Variants in PRKACB observed in about 807,000 individuals in gnomAD.
The protein encoded by PRKACB is cAMP-dependent protein kinase catalytic subunit beta.
PRKACB carries 16 observed loss-of-function variants against 51.4 expected under a neutral mutation model. The ratio of observed to expected loss-of-function variants is 0.31; its 90% confidence interval spans 0.21 to 0.47. The LOEUF (loss-of-function observed/expected upper bound fraction) is 0.47, where lower values mean the gene tolerates loss of function less well. Ranked by LOEUF, PRKACB falls within the 20% of genes least tolerant of loss-of-function variation. The pLI is 1.00. For synonymous variants in PRKACB, 147 were observed against 154.4 expected (o/e 0.95, Z 0.35); for missense variants, 309 against 464.5 (o/e 0.67, Z 3.08).
chr1:84,110,197 G>T (rs1013127404), intron 1 of PRKACB, among the ~76,000 whole-genome samples: 1 of 151,446 alleles, frequency 6.6e-6, no homozygotes, highest in African/African-American at 2.4e-5. Flanking sequence ...CAACAAAACA[G>T]TAAAAGATAA....
intron 6 of PRKACB, 42 bp from the exon 7 acceptor site, chr1:84,197,687 G>A (rs560695977): frequency 7.7e-7 from 1 of 1,302,896 alleles, no homozygotes. Context: ...CATTTATTGT[G>A]AGGTAATACA....
intron 5 of PRKACB, among the ~76,000 whole-genome samples, chr1:84,190,434 A>G (rs530482708): frequency 6.7e-6 from 1 of 149,656 alleles, no homozygotes; most frequent in South Asian, 2.3e-4. Flanking sequence ...TCGTTATTTT[A>G]AGTTATTTTT....
chr1:84,103,722 G>T (rs1452200887), intron 1 of PRKACB, among the ~76,000 whole-genome samples: 1 of 152,160 alleles, frequency 6.6e-6, no homozygotes, highest in African/African-American at 2.4e-5. Context: ...TATGGTGATT[G>T]TTTGAAAACT....
chr1:84,129,270 T>C (rs1651933723), intron 1 of PRKACB, among the ~76,000 whole-genome samples: 1 of 152,132 alleles, frequency 6.6e-6, no homozygotes, highest in Non-Finnish European at 1.5e-5. Context: ...ATTACTATTA[T>C]AATTTTAGGT....
At position 84,235,460 on chromosome 1, in the gene PRKACB, C is replaced by A; in HGVS notation, c.*155C>A. On this transcript the variant is annotated 3_prime_UTR_variant, in exon 10 of 10. Transcript: ENST00000370685. ...ATTGCCATCATCCCGTGTGCGCACTCTGCATCCACCTATGTAACAAGGCAC... is the reference window on the plus strand; with the variant it reads ...ATTGCCATCATCCCGTGTGCGCACTATGCATCCACCTATGTAACAAGGCAC... The A allele has an allele frequency of 1.1e-6, 1 of 896,492 alleles. No individual in the cohort carries two copies. Among genetic ancestry groups the A allele is most frequent in the Non-Finnish European group, 1.7e-6 (1 of 595,252 alleles). The allele number at this position is 896,492 out of a possible 1,614,324, so 55.5% of individuals were successfully genotyped here.
rs1041446081 is a variant in PRKACB, at chr1:84,127,637, G to GT, written c.46+49274dup. Among the ~76,000 whole-genome samples the GT allele has an allele frequency of 1.6e-4, 24 of 151,844 alleles. No homozygotes were observed. The South Asian group carries it at 3.3e-3, about 21-fold the overall frequency. ...TGTGAGATAAATATGAATTTTGCGG[G>GT]TTTTTTTTCTTTTTCTTATATTTGA... On this transcript the variant is annotated intron_variant, in intron 1 of 8. Coordinates refer to the PRKACB transcript ENST00000370688.
upstream of PRKACB, chr1:84,144,182 T>A (rs1653720116): frequency 2.4e-6 from 3 of 1,244,144 alleles, no homozygotes; most frequent in Non-Finnish European, 3.1e-6. Context: ...AGTGTTTTGC[T>A]AAGAAAAGCT....
intron 9 of PRKACB, among the ~76,000 whole-genome samples, chr1:84,218,790 C>T (rs1056608281): frequency 1.3e-5 from 2 of 152,102 alleles, no homozygotes; most frequent in Non-Finnish European, 2.9e-5. Context: ...TCTCCACATC[C>T]CCTCCAGCAC....
chr1:84,082,123 G>T (rs1046517766), intron 1 of PRKACB, among the ~76,000 whole-genome samples: 3 of 152,164 alleles, frequency 2.0e-5, no homozygotes, highest in African/African-American at 7.2e-5. Flanking sequence ...TTATGGATGA[G>T]GAAATGAAGG....
At chr1:84,196,850 T>C in intron 6 of PRKACB, 108 bp downstream of exon 6, 1 of 1,213,226 alleles carries the variant, frequency 8.2e-7, no homozygotes, top group Non-Finnish European at 1.1e-6. Flanking sequence ...CACTTTCTCC[T>C]AATAGTTTAA....
chr1:84,160,190 G>T (rs1458630224), intron 1 of PRKACB, among the ~76,000 whole-genome samples: 3 of 151,918 alleles, frequency 2.0e-5, no homozygotes, highest in Non-Finnish European at 4.4e-5. Context: ...CTCGACTTGA[G>T]CTTTTCTTTG....
At chr1:84,128,730 G>A (rs1203912778) in intron 1 of PRKACB, among the ~76,000 whole-genome samples, 1 of 152,120 alleles carries the variant, frequency 6.6e-6, no homozygotes, top group Non-Finnish European at 1.5e-5. Flanking sequence ...AGCAGAAGAG[G>A]AAACCAAAGA....
intron 1 of PRKACB, among the ~76,000 whole-genome samples, chr1:84,169,403 G>C (rs1658637191): frequency 6.6e-6 from 1 of 151,620 alleles, no homozygotes; most frequent in Non-Finnish European, 1.5e-5. Context: ...ATAATGTTGT[G>C]ATAGGAAAAA....
rs1428722063 is a variant in PRKACB, at chr1:84,231,470, T to A, written c.1072-3710T>A. Among the ~76,000 whole-genome samples, 3 of 152,212 alleles carry A rather than the reference T, an allele frequency of 2.0e-5. No homozygotes were observed. The East Asian group carries it at 5.8e-4, about 29-fold the overall frequency. ...TAGGGAGGATTCCCTCTTTTTCTAT[T>A]GATTGGAATAGTTTCAGAAGGAATG... On this transcript the variant is annotated intron_variant, in intron 9 of 9. Transcript: ENST00000370685.
intron 1 of PRKACB, among the ~76,000 whole-genome samples, chr1:84,081,257 G>A (rs532418765): frequency 1.3e-5 from 2 of 152,262 alleles, no homozygotes; most frequent in African/African-American, 4.8e-5. Flanking sequence ...TCTGGTGCCT[G>A]TATTGTACTC....
chr1:84,196,492 T>C lies in PRKACB; in HGVS notation c.561-124T>C, dbSNP rs1668277312. ...AAAAGTAACAAGGTTCTTTACATAC[T>C]TTTTAAAAAAATACTTTTTGTTCCC... is the stretch of plus-strand genomic sequence containing the variant. On this transcript the variant is annotated intron_variant, in intron 5 of 9. Transcript: ENST00000370685. 4 of 970,332 alleles carry C rather than the reference T, an allele frequency of 4.1e-6. No individual in the cohort carries two copies. The East Asian group carries it at 1.1e-4, about 27-fold the overall frequency. 60.1% of individuals were successfully genotyped at this position (970,332 alleles called of 1,614,324 possible). A position where few individuals can be genotyped will look rare whatever the true frequency, so the allele number is the denominator to read the frequency against.
chr1:84,083,676 A>AT (rs1647726976), intron 1 of PRKACB, among the ~76,000 whole-genome samples: 1 of 152,212 alleles, frequency 6.6e-6, no homozygotes, highest in African/African-American at 2.4e-5. Context: ...TCTAGGTGAT[A>AT]AATGTTTGTA....
intron 8 of PRKACB, 100 bp from the exon 9 acceptor site, chr1:84,214,053 T>C: frequency 1.6e-6 from 2 of 1,250,698 alleles, no homozygotes; most frequent in South Asian, 1.8e-5. Context: ...TTTTTGTTTA[T>C]ATAATGGCTT....
rs1386771140 is a variant in PRKACB, at chr1:84,144,303, TTG to T, written c.-56_-55del. On this transcript the variant is annotated 5_prime_UTR_variant, in exon 1 of 10. Coordinates refer to ENST00000370685, the MANE Select transcript of PRKACB (RefSeq NM_182948.4). ...TAGCTCTTAGCTTCTGTGTAAGAAG[TTG>T]TGAGCTCCTTCTGGAAACATTTGCA... The T allele has an allele frequency of 9.5e-6, 15 of 1,584,244 alleles. No homozygotes were observed. The South Asian group carries it at 1.7e-4, about 18-fold the overall frequency.
Sources: gnomAD v4.1 joint callset for allele counts (sites outside exome capture counted in the v4.1 genomes callset) on GRCh38, gnomAD v4.1.1 for gene constraint, MANE v1.5 for transcripts, NCBI Gene and HGNC (gene_info 2026-07-23, HGNC 2026-07-21) for gene names.